Variants in NRXN3 observed in about 807,000 individuals in gnomAD.
The protein encoded by NRXN3 is neurexin III.
NRXN3 carries 32 observed loss-of-function variants against 137.6 expected under a neutral mutation model. The ratio of observed to expected loss-of-function variants is 0.23; its 90% confidence interval spans 0.18 to 0.31. The LOEUF (loss-of-function observed/expected upper bound fraction) is 0.31, where lower values mean the gene tolerates loss of function less well. Ranked by LOEUF, NRXN3 falls within the 10% of genes least tolerant of loss-of-function variation. The probability of loss-of-function intolerance (pLI) is 1.00; values close to 1 mark genes in which losing one functional copy is unlikely to be tolerated. For synonymous variants in NRXN3, 798 were observed against 784.5 expected (o/e 1.02, Z -0.29); for missense variants, 1,574 against 2,062.5 (o/e 0.76, Z 4.59).
chr14:78,403,239 A>G (rs78824692), intron 4 of NRXN3, among the ~76,000 whole-genome samples: 82 of 152,306 alleles, frequency 5.4e-4, no homozygotes, highest in African/African-American at 2.0e-3. Context: ...GCCCCAGGTA[A>G]CTGCTGTAGA....
At chr14:79,226,561 TC>T (rs2070897803) in intron 15 of NRXN3, among the ~76,000 whole-genome samples, 1 of 152,158 alleles carries the variant, frequency 6.6e-6, no homozygotes, top group South Asian at 2.1e-4. Flanking sequence ...CATCCACTTA[TC>T]CCCAGAATTG....
chr14:78,475,427 A>G (rs1431377581), intron 4 of NRXN3, among the ~76,000 whole-genome samples: 2 of 152,162 alleles, frequency 1.3e-5, no homozygotes, highest in Non-Finnish European at 2.9e-5. Flanking sequence ...AGCATGTTGC[A>G]TGTTGTGCTG....
intron 15 of NRXN3, among the ~76,000 whole-genome samples, chr14:79,207,689 C>A (rs1184007700): frequency 6.6e-6 from 1 of 152,102 alleles, no homozygotes; most frequent in Non-Finnish European, 1.5e-5. Flanking sequence ...CCACAACCTA[C>A]CACTAAAGAT....
intron 1 of NRXN3, among the ~76,000 whole-genome samples, chr14:78,206,959 G>A (rs1477842914): frequency 6.6e-6 from 1 of 152,070 alleles, no homozygotes; most frequent in Non-Finnish European, 1.5e-5. Context: ...TGCCTCCCGG[G>A]TTCAAGCAAT....
intron 20 of NRXN3, among the ~76,000 whole-genome samples, chr14:79,823,156 C>T (rs1051847667): frequency 1.3e-5 from 2 of 151,966 alleles, no homozygotes; most frequent in African/African-American, 4.8e-5. Flanking sequence ...TGTGTATCTA[C>T]GTCCTCATCC....
intron 10 of NRXN3, among the ~76,000 whole-genome samples, chr14:78,918,301 AAAAAAAG>A (rs1383725306): frequency 2.9e-3 from 439 of 148,874 alleles, no homozygotes; most frequent in African/African-American, 0.011. Context: ...AAAAAAAAAA[AAAAAAAG>A]AGAGAGAGAG....
Position 79,697,727 on chromosome 14 carries a change from T to C in NRXN3, c.3804T>C (p.Tyr1268=), listed in dbSNP as rs2098740621. The part of the protein sequence containing the change: ...LFQGQLSGLY[Y]DGLKVLNMAA... ...AAGGCCAACTCTCTGGGCTCTATTA[T>C]GATGGTTTGAAAGTACTGAACATGG... The change falls in exon 19 of 21, where the codon TAT becomes TAC. Residue 1268 remains tyrosine (Y), a synonymous_variant. Coordinates refer to ENST00000335750, the MANE Select transcript of NRXN3 (RefSeq NM_001330195.2). 1 of 1,613,052 alleles carries C rather than the reference T, an allele frequency of 6.2e-7. No homozygotes were observed. The highest frequency in any genetic ancestry group is 8.5e-7 in the Non-Finnish European group (1 of 1,179,440).
intron 20 of NRXN3, among the ~76,000 whole-genome samples, chr14:79,840,595 A>G (rs980602938): frequency 2.0e-5 from 3 of 152,176 alleles, no homozygotes; most frequent in East Asian, 1.9e-4. Context: ...AACGTAAAAC[A>G]TGCAGGACTA....
At chr14:79,409,619 A>C (rs201699781) in intron 15 of NRXN3, among the ~76,000 whole-genome samples, 9,075 of 36,584 alleles carry the variant, frequency 0.25, 402 homozygotes, top group African/African-American at 0.33. Context: ...GTGTGTGTCT[A>C]TATATATATA....
intron 15 of NRXN3, among the ~76,000 whole-genome samples, chr14:79,004,420 T>C (rs1030117946): frequency 6.6e-6 from 1 of 152,172 alleles, no homozygotes; most frequent in Admixed American, 6.6e-5. Flanking sequence ...TACTTTGGCA[T>C]TTTTGGTAGA....
intron 10 of NRXN3, among the ~76,000 whole-genome samples, chr14:78,844,865 A>G (rs1481545598): frequency 6.6e-6 from 1 of 152,146 alleles, no homozygotes; most frequent in Non-Finnish European, 1.5e-5. Flanking sequence ...TAGAATAGCC[A>G]CAAAATGGTT....
intron 4 of NRXN3, among the ~76,000 whole-genome samples, chr14:78,510,077 G>T (rs373284263): frequency 5.6e-5 from 8 of 141,872 alleles, no homozygotes; most frequent in Non-Finnish European, 1.0e-4. Context: ...ATGCCTAGAT[G>T]AGTATTAGTA....
At chr14:78,740,235 C>A (rs979474900) in intron 8 of NRXN3, among the ~76,000 whole-genome samples, 27 of 152,196 alleles carry the variant, frequency 1.8e-4, no homozygotes, top group African/African-American at 6.5e-4. Context: ...GGTTTTGTGG[C>A]CTTGTTTGAA....
chr14:79,111,940 T>C (rs189699461), intron 15 of NRXN3, among the ~76,000 whole-genome samples: 31 of 152,238 alleles, frequency 2.0e-4, no homozygotes, highest in Middle Eastern at 6.8e-3. Flanking sequence ...TTATCCATAA[T>C]AGGAAAGGAA....
chr14:79,551,371 A>G (rs2097371151), intron 16 of NRXN3, among the ~76,000 whole-genome samples: 1 of 152,230 alleles, frequency 6.6e-6, no homozygotes, highest in Non-Finnish European at 1.5e-5. Context: ...AACAAATCTA[A>G]TAGTCTCTGA....
intron 10 of NRXN3, among the ~76,000 whole-genome samples, chr14:78,834,859 C>T (rs993478044): frequency 1.6e-4 from 24 of 152,162 alleles, no homozygotes; most frequent in African/African-American, 5.8e-4. Flanking sequence ...AAAGAACCGA[C>T]ATACAGCCTA....
At chr14:78,597,935 T>G (rs1483230380) in intron 4 of NRXN3, among the ~76,000 whole-genome samples, 1 of 152,148 alleles carries the variant, frequency 6.6e-6, no homozygotes, top group Non-Finnish European at 1.5e-5. Context: ...GGGTTACAGC[T>G]GCCAGCACCA....
chr14:78,777,987 C>A (rs1409066622), intron 8 of NRXN3, among the ~76,000 whole-genome samples: 1 of 152,024 alleles, frequency 6.6e-6, no homozygotes, highest in South Asian at 2.1e-4. Context: ...GATCTCAAAC[C>A]CCTAGCCTCA....
intron 4 of NRXN3, chr14:78,615,023 C>A (rs1445005865): frequency 4.4e-6 from 2 of 456,538 alleles, no homozygotes; most frequent in African/African-American, 4.0e-5. Flanking sequence ...CCACCGGGAT[C>A]TTGACGAAGG....
Sources: gnomAD v4.1 joint callset for allele counts (sites outside exome capture counted in the v4.1 genomes callset) on GRCh38, gnomAD v4.1.1 for gene constraint, MANE v1.5 for transcripts, NCBI Gene and HGNC (gene_info 2026-07-23, HGNC 2026-07-21) for gene names.